ADAMTS20: variants seen among roughly 807,000 people sequenced by gnomAD.
The protein encoded by ADAMTS20 is ADAM metallopeptidase with thrombospondin type 1 motif 20, also known as A disintegrin and metalloproteinase with thrombospondin motifs 20.
Under a neutral mutation model 260.1 loss-of-function variants are expected in ADAMTS20, and 225 were observed. That is an observed-to-expected ratio of 0.87 (90% CI 0.78 to 0.97). The LOEUF (loss-of-function observed/expected upper bound fraction) is 0.97, where lower values mean the gene tolerates loss of function less well. Among genes scored for constraint, ADAMTS20 ranks in the 50% least tolerant of loss-of-function variants. The probability of loss-of-function intolerance (pLI) is 0.00; values close to 1 mark genes in which losing one functional copy is unlikely to be tolerated. For synonymous variants in ADAMTS20, 802 were observed against 769.5 expected (o/e 1.04, Z -0.70); for missense variants, 2,400 against 2,337.7 (o/e 1.03, Z -0.55).
chr12:43,468,698 T>C lies in ADAMTS20; in HGVS notation c.1125A>G (p.Ser375=), dbSNP rs1249031954. Residue 375 remains serine, a synonymous_variant, in exon 8 of 39, where the codon TCA becomes TCG. Coordinates refer to ENST00000389420, the MANE Select transcript of ADAMTS20 (RefSeq NM_025003.5). ...AAGGATCACATATGGTACCTAAATATGATAAACCTGAAAAATTTCACATTT... is the reference window on the plus strand; with the variant it reads ...AAGGATCACATATGGTACCTAAATACGATAAACCTGAAAAATTTCACATTT... ...SKEKCNMLGL[S]YLGTICDPLQ... The C allele has an allele frequency of 1.3e-6, 2 of 1,551,310 alleles. No homozygotes were observed. The highest frequency in any genetic ancestry group is 2.3e-5 in the East Asian group (1 of 44,314).
chr12:43,450,797 G>T (rs1941851280), intron 14 of ADAMTS20, among the ~76,000 whole-genome samples: 1 of 151,970 alleles, frequency 6.6e-6, no homozygotes, highest in Non-Finnish European at 1.5e-5. Context: ...ATGTTTTGAA[G>T]AATATCAATA....
chr12:43,433,996 C>A (rs1417106346), intron 19 of ADAMTS20, among the ~76,000 whole-genome samples: 2 of 152,026 alleles, frequency 1.3e-5, no homozygotes, highest in African/African-American at 4.8e-5. Flanking sequence ...ATTTTACAGA[C>A]AAAATTACAA....
At chr12:43,357,961 T>C (rs944700670) in intron 37 of ADAMTS20, among the ~76,000 whole-genome samples, 5 of 152,264 alleles carry the variant, frequency 3.3e-5, no homozygotes, top group Non-Finnish European at 7.3e-5. Context: ...ATTATTCTAT[T>C]TGATACTTAA....
chr12:43,477,936 A>G (rs1942384210), intron 7 of ADAMTS20, among the ~76,000 whole-genome samples: 1 of 152,162 alleles, frequency 6.6e-6, no homozygotes, highest in Non-Finnish European at 1.5e-5. Context: ...AAGAAAGCAC[A>G]CACTTTTTGA....
At chr12:43,442,575 AAGTTGAG>A (rs892332769) in intron 16 of ADAMTS20, among the ~76,000 whole-genome samples, 3 of 152,070 alleles carry the variant, frequency 2.0e-5, no homozygotes, top group Non-Finnish European at 4.4e-5. Flanking sequence ...CTAATTTTTA[AAGTTGAG>A]AATAACCTGT....
At chr12:43,379,050 A>G (rs899535465) in intron 31 of ADAMTS20, among the ~76,000 whole-genome samples, 1 of 152,226 alleles carries the variant, frequency 6.6e-6, no homozygotes, top group African/African-American at 2.4e-5. Flanking sequence ...TGGTGAAACC[A>G]GAATTCCGGC....
At chr12:43,381,730 G>T (rs1940355884) in intron 31 of ADAMTS20, among the ~76,000 whole-genome samples, 1 of 123,290 alleles carries the variant, frequency 8.1e-6, no homozygotes, top group African/African-American at 3.2e-5. Context: ...TCAGTGAGCT[G>T]TAATTATACC....
chr12:43,517,843 T>A (rs1943020188), intron 3 of ADAMTS20, among the ~76,000 whole-genome samples: 1 of 151,924 alleles, frequency 6.6e-6, no homozygotes, highest in South Asian at 2.1e-4. Flanking sequence ...GGAAGAGAAA[T>A]CAATGTCCAA....
intron 18 of ADAMTS20, among the ~76,000 whole-genome samples, chr12:43,436,753 T>G (rs1461081437): frequency 2.0e-5 from 3 of 152,166 alleles, no homozygotes; most frequent in African/African-American, 7.2e-5. Context: ...CTGAATGATG[T>G]GATCCCAGCC....
At chr12:43,430,284 A>C in intron 23 of ADAMTS20, 68 bp downstream of exon 23, 1 of 1,498,284 alleles carries the variant, frequency 6.7e-7, no homozygotes, top group Non-Finnish European at 9.0e-7. Context: ...GTAAAGAAAT[A>C]ATTTTAACAC....
At chr12:43,470,624 T>A in intron 7 of ADAMTS20, among the ~76,000 whole-genome samples, 1 of 152,160 alleles carries the variant, frequency 6.6e-6, no homozygotes, top group East Asian at 1.9e-4. Context: ...GTTCCCTGTG[T>A]TTGGAAATAC....
intron 37 of ADAMTS20, among the ~76,000 whole-genome samples, chr12:43,367,082 A>C (rs1366453416): frequency 2.0e-5 from 3 of 151,980 alleles, no homozygotes; most frequent in Non-Finnish European, 4.4e-5. Context: ...TCACGAAGAA[A>C]AGCCCAGGCT....
chr12:43,407,695 T>A lies in ADAMTS20; in HGVS notation c.4285-8462A>T, dbSNP rs182773507. Among the ~76,000 whole-genome samples, 628 of 152,198 alleles carry A rather than the reference T, an allele frequency of 4.1e-3. 6 individuals carry two copies. The highest frequency in any genetic ancestry group is 5.3e-3 in the Non-Finnish European group (357 of 67,958). Reference sequence around the variant, plus strand: ...TCCTAGTGAGTGAGAATTAAAGGACTCAATTATTGGATTAATTTTCTTCAA... The same window carrying A: ...TCCTAGTGAGTGAGAATTAAAGGACACAATTATTGGATTAATTTTCTTCAA... On this transcript the variant is annotated intron_variant, in intron 28 of 38. Coordinates refer to ENST00000389420, the MANE Select transcript of ADAMTS20 (RefSeq NM_025003.5).
intron 37 of ADAMTS20, among the ~76,000 whole-genome samples, chr12:43,367,791 G>C (rs1244328453): frequency 1.3e-5 from 2 of 152,070 alleles, no homozygotes; most frequent in African/African-American, 4.8e-5. Context: ...AAAATCCTAA[G>C]TAATCTACTG....
At chr12:43,361,662 A>G (rs1939870632) in intron 37 of ADAMTS20, among the ~76,000 whole-genome samples, 1 of 152,212 alleles carries the variant, frequency 6.6e-6, no homozygotes, top group African/African-American at 2.4e-5. Context: ...ATAGGGAAAA[A>G]AGAGGATTAC....
At chr12:43,405,488 A>G (rs915103566) in intron 28 of ADAMTS20, among the ~76,000 whole-genome samples, 1 of 149,860 alleles carries the variant, frequency 6.7e-6, no homozygotes, top group Non-Finnish European at 1.5e-5. Context: ...ATTTGATAAT[A>G]TAATTGTAAA....
chr12:43,423,991 A>T (rs1179168358), intron 28 of ADAMTS20: 1 of 665,660 alleles, frequency 1.5e-6, no homozygotes, highest in African/African-American at 1.8e-5. Context: ...GATGAATTTC[A>T]GCCTGAACCA....
chr12:43,516,700 C>A (rs934619591), intron 3 of ADAMTS20, among the ~76,000 whole-genome samples: 16 of 151,920 alleles, frequency 1.1e-4, no homozygotes, highest in African/African-American at 3.6e-4. Context: ...CTTCAATAGG[C>A]CCTCATCATC....
chr12:43,423,514 A>G (rs960537592), intron 28 of ADAMTS20: 22 of 546,450 alleles, frequency 4.0e-5, no homozygotes, highest in Middle Eastern at 4.8e-4. Flanking sequence ...TTACAATTCA[A>G]TCTCATTAGC....
Sources: allele counts gnomAD v4.1 joint callset (sites outside exome capture counted in the v4.1 genomes callset), GRCh38; gene constraint gnomAD v4.1.1; transcripts MANE v1.5; gene names NCBI Gene and HGNC (gene_info 2026-07-23, HGNC 2026-07-21).